The following NECTIN3 variants were observed in gnomAD, a reference collection of about 807,000 sequenced individuals.
NECTIN3 encodes the protein nectin-3.
Under a neutral mutation model 49.4 loss-of-function variants are expected in NECTIN3, and 8 were observed. The ratio of observed to expected loss-of-function variants is 0.16; its 90% CI spans 0.10 to 0.29. The LOEUF is 0.29. Ranked by LOEUF, NECTIN3 falls within the 10% of genes least tolerant of loss-of-function variation. The pLI, the probability that NECTIN3 is intolerant of heterozygous loss-of-function variation, is 1.00. For synonymous variants in NECTIN3, 277 were observed against 241.1 expected, an observed-to-expected ratio of 1.15 and a Z score of -1.38; for missense variants, 581 against 654.6, an observed-to-expected ratio of 0.89 and a Z score of 1.23.
intron 5 of NECTIN3, chr3:111,144,840 G>C: frequency 6.8e-7 from 1 of 1,479,000 alleles, no homozygotes; most frequent in Non-Finnish European, 9.1e-7. Flanking sequence ...GAAAAGGTAT[G>C]CAATTTCAAG....
At chr3:111,126,983 A>G (rs958023666) in intron 5 of NECTIN3, among the ~76,000 whole-genome samples, 1 of 152,190 alleles carries the variant, frequency 6.6e-6, no homozygotes, top group Non-Finnish European at 1.5e-5. Flanking sequence ...AGCTAAAAAT[A>G]CATCTTTTCC....
At chr3:111,190,573 C>T (rs887929724), upstream of NECTIN3, among the ~76,000 whole-genome samples, 4 of 152,180 alleles carry the variant, frequency 2.6e-5, no homozygotes, top group African/African-American at 9.6e-5. Context: ...GGCCTTATTC[C>T]TAATAGATGG....
rs533324016 is a variant in NECTIN3 at position 111,080,773 on chromosome 3, G to A, written c.160+8596G>A. ...TGCTAGGGAGTATAAAGGATACCAC[G>A]GTGGAATGAGGCATGTTGGCCCTCT... is the stretch of plus-strand genomic sequence containing the variant. On this transcript the variant is annotated intron_variant, in intron 1 of 5. Coordinates refer to ENST00000485303, the MANE Select transcript of NECTIN3 (RefSeq NM_015480.3). 3.3e-4 allele frequency among the ~76,000 whole-genome samples: 50 copies of A among 152,072 alleles called. 1 individual carries two copies. The South Asian group carries it at 9.1e-3, about 28-fold the overall frequency.
intron 4 of NECTIN3, among the ~76,000 whole-genome samples, chr3:111,125,325 G>A (rs1009823836): frequency 2.0e-5 from 3 of 151,496 alleles, no homozygotes; most frequent in African/African-American, 7.3e-5. Flanking sequence ...CACTGTGCCC[G>A]GCCTTATCCT....
intron 2 of NECTIN3, among the ~76,000 whole-genome samples, chr3:111,118,212 G>C (rs1303229347): frequency 8.0e-6 from 1 of 124,866 alleles, no homozygotes; most frequent in East Asian, 2.4e-4. Context: ...ATTTTTAAAA[G>C]TATTTGCTTT....
At chr3:111,131,291 ACAGT>A (rs2034379514) in intron 5 of NECTIN3, among the ~76,000 whole-genome samples, 1 of 151,982 alleles carries the variant, frequency 6.6e-6, no homozygotes, top group African/African-American at 2.4e-5. Flanking sequence ...CATTTATCAC[ACAGT>A]CAGCAAAGAG....
intron 7 of NECTIN3, among the ~76,000 whole-genome samples, chr3:111,172,535 CCTTA>C (rs553537277): frequency 1.3e-5 from 2 of 152,126 alleles, no homozygotes; most frequent in Admixed American, 1.3e-4. Flanking sequence ...TTTCTTCAAA[CCTTA>C]CTTAAATGTA....
At chr3:111,168,996 A>T (rs141958007) in intron 7 of NECTIN3, among the ~76,000 whole-genome samples, 369 of 152,006 alleles carry the variant, frequency 2.4e-3, no homozygotes, top group African/African-American at 8.3e-3. Context: ...AAAAGAAAAC[A>T]TATACTTTTC....
intron 7 of NECTIN3, among the ~76,000 whole-genome samples, chr3:111,169,325 C>CAG (rs1257473620): frequency 6.7e-6 from 1 of 148,998 alleles, no homozygotes; most frequent in African/African-American, 2.5e-5. Context: ...CTCCTGACCT[C>CAG]GTGATCTGCC....
chr3:111,179,261 C>T (rs1445773879), intron 7 of NECTIN3, among the ~76,000 whole-genome samples: 1 of 152,174 alleles, frequency 6.6e-6, no homozygotes, highest in Non-Finnish European at 1.5e-5. Flanking sequence ...ACTCCCTTCC[C>T]ATGAACCATC....
At position 111,075,896 on chromosome 3, in the gene NECTIN3, CATA is replaced by C. The variant is rs2031160764; in HGVS notation, c.160+3722_160+3724del. On this transcript the variant is annotated intron_variant, in intron 1 of 5. Transcript: ENST00000485303. ...GAAGATAGGGGTTGGAGAAGGGACT[CATA>C]ATTTGCTTCTGCTTTAAGTTACTGA... Among the ~76,000 whole-genome samples, 9 of 152,018 alleles carry C rather than the reference CATA, an allele frequency of 5.9e-5. No individual in the cohort carries two copies. The South Asian group carries it at 1.9e-3, about 32-fold the overall frequency.
Position 111,122,262 on chromosome 3 carries a change from G to A in NECTIN3, c.917+24G>A, listed in dbSNP as rs774514785. ...AGGTAATGTTATATACTTCGAAAGA[G>A]AAATTATCTAAAAGTGAAACCTTCT... is the stretch of plus-strand genomic sequence containing the variant. On this transcript the variant is annotated intron_variant, in intron 4 of 5. Transcript: ENST00000485303. The A allele has an allele frequency of 2.6e-6, 4 of 1,518,802 alleles. No individual in the cohort carries two copies. The East Asian group carries it at 9.1e-5, about 34-fold the overall frequency. 94.1% of individuals were successfully genotyped at this position (1,518,802 alleles called of 1,614,324 possible). A position where few individuals can be genotyped will look rare whatever the true frequency, so the allele number is the denominator to read the frequency against.
chr3:111,118,248 C>CTATATGTATA (rs2033776120), intron 2 of NECTIN3, among the ~76,000 whole-genome samples: 1 of 78,002 alleles, frequency 1.3e-5, no homozygotes, highest in Non-Finnish European at 2.6e-5. Context: ...TAAAATGAAG[C>CTATATGTATA]TATATATATA....
At chr3:111,125,733 T>C (rs1023954068) in intron 4 of NECTIN3, among the ~76,000 whole-genome samples, 4 of 152,192 alleles carry the variant, frequency 2.6e-5, no homozygotes, top group Non-Finnish European at 4.4e-5. Context: ...AAATATGTTA[T>C]AGAGGGTGCT....
At chr3:111,081,206 G>A (rs1490497353) in intron 1 of NECTIN3, among the ~76,000 whole-genome samples, 2 of 152,208 alleles carry the variant, frequency 1.3e-5, no homozygotes, top group Admixed American at 6.5e-5. Context: ...GCTTGAGCCC[G>A]GAAGGCTGAG....
At chr3:111,074,258 G>A (rs2107346521) in intron 1 of NECTIN3, 1 of 456,384 alleles carries the variant, frequency 2.2e-6, no homozygotes, top group East Asian at 6.9e-5. Context: ...CAAGTAAGCT[G>A]TTAGTCTAAC....
chr3:111,103,868 T>C (rs1041306385), intron 1 of NECTIN3, among the ~76,000 whole-genome samples: 1 of 152,182 alleles, frequency 6.6e-6, no homozygotes, highest in African/African-American at 2.4e-5. Flanking sequence ...CTGACTAATA[T>C]TTCATTGTAT....
chr3:111,145,346 C>G (rs1342296686), intron 6 of NECTIN3, among the ~76,000 whole-genome samples: 3 of 152,118 alleles, frequency 2.0e-5, no homozygotes, highest in African/African-American at 7.2e-5. Context: ...GTAAGCCTTT[C>G]ATGAAGTGGT....
chr3:111,161,584 A>T (rs891925951), intron 7 of NECTIN3, among the ~76,000 whole-genome samples: 3 of 152,136 alleles, frequency 2.0e-5, no homozygotes, highest in Non-Finnish European at 2.9e-5. Context: ...CTGTCAGATC[A>T]GCAGTGGCAT....
Sources: gnomAD v4.1 joint callset for allele counts (sites outside exome capture counted in the v4.1 genomes callset) on GRCh38, gnomAD v4.1.1 for gene constraint, MANE v1.5 for transcripts, NCBI Gene and HGNC (gene_info 2026-07-23, HGNC 2026-07-21) for gene names.